The following MPP7 variants were observed in gnomAD, a reference collection of about 807,000 sequenced individuals.
MPP7 encodes MAGUK p55 subfamily member 7.
A neutral mutation model predicts 76.5 loss-of-function variants in MPP7; 60 were observed. The ratio of observed to expected loss-of-function variants is 0.78; its 90% CI spans 0.64 to 0.97. The LOEUF (loss-of-function observed/expected upper bound fraction) is 0.97, where lower values mean the gene tolerates loss of function less well. Among genes scored for constraint, MPP7 ranks in the 50% least tolerant of loss-of-function variants. The pLI, the probability that MPP7 is intolerant of heterozygous loss-of-function variation, is 0.00. For synonymous variants in MPP7, 237 were observed against 244.5 expected (o/e 0.97, Z 0.29); for missense variants, 641 against 694.0 (o/e 0.92, Z 0.86).
chr10:28,107,126 C>T (rs747138980), intron 11 of MPP7, among the ~76,000 whole-genome samples: 2 of 152,168 alleles, frequency 1.3e-5, no homozygotes, highest in Non-Finnish European at 2.9e-5. Context: ...CAGTACCAAA[C>T]TAAATTTCCA....
At chr10:28,092,740 AT>A (rs536385197) in intron 11 of MPP7, among the ~76,000 whole-genome samples, 2,186 of 105,484 alleles carry the variant, frequency 0.021, 67 homozygotes, top group African/African-American at 0.074. Context: ...ACCTGGCTCA[AT>A]TTTTTTTTTT....
intron 3 of MPP7, among the ~76,000 whole-genome samples, chr10:28,183,166 G>A (rs1432297233): frequency 1.3e-5 from 2 of 152,276 alleles, no homozygotes; most frequent in South Asian, 2.1e-4. Context: ...TAAAACAGAC[G>A]AAATAATATC....
chr10:28,117,864 T>C (rs1328129273), intron 11 of MPP7, among the ~76,000 whole-genome samples: 1 of 151,848 alleles, frequency 6.6e-6, no homozygotes, highest in Non-Finnish European at 1.5e-5. Flanking sequence ...TATTTGAAAA[T>C]AAATAACATA....
At chr10:28,226,301 C>T (rs1840879) in intron 2 of MPP7, among the ~76,000 whole-genome samples, 26,297 of 151,512 alleles carry the variant, frequency 0.17, 2,570 homozygotes, top group African/African-American at 0.26. Flanking sequence ...GGCTGGAGTG[C>T]AGTGGTATAA....
intron 11 of MPP7, among the ~76,000 whole-genome samples, chr10:28,111,850 A>C (rs1228232081): frequency 6.6e-6 from 1 of 152,216 alleles, no homozygotes; most frequent in African/African-American, 2.4e-5. Context: ...AATATTACAG[A>C]GGCAAATCTA....
At chr10:28,115,684 G>A (rs556124820) in intron 11 of MPP7, among the ~76,000 whole-genome samples, 1 of 152,160 alleles carries the variant, frequency 6.6e-6, no homozygotes, top group Non-Finnish European at 1.5e-5. Flanking sequence ...TACCGGTACC[G>A]TGTGCAGTGA....
chr10:28,093,564 A>G (rs542169178), intron 11 of MPP7, among the ~76,000 whole-genome samples: 1 of 151,024 alleles, frequency 6.6e-6, no homozygotes, highest in Non-Finnish European at 1.5e-5. Flanking sequence ...CTCATGCCTC[A>G]GCCTCCTGAG....
intron 1 of MPP7, among the ~76,000 whole-genome samples, chr10:28,262,202 T>TAC (rs1385973358): frequency 0.018 from 264 of 14,908 alleles, 12 homozygotes; most frequent in East Asian, 0.026. Context: ...TATATATATA[T>TAC]ATATACATAT....
At chr10:28,265,237 GA>G (rs1292542014) in intron 1 of MPP7, among the ~76,000 whole-genome samples, 1 of 152,178 alleles carries the variant, frequency 6.6e-6, no homozygotes, top group African/African-American at 2.4e-5. Context: ...ATGTTTAAAA[GA>G]ACAGAATTAT....
At chr10:28,237,529 T>C (rs1039536878) in intron 2 of MPP7, among the ~76,000 whole-genome samples, 3 of 152,214 alleles carry the variant, frequency 2.0e-5, no homozygotes, top group South Asian at 2.1e-4. Flanking sequence ...ACTATGGATA[T>C]GCTTGAAATA....
chr10:28,186,144 G>A (rs574452480), intron 3 of MPP7, among the ~76,000 whole-genome samples: 15 of 152,186 alleles, frequency 9.9e-5, no homozygotes, highest in East Asian at 7.8e-4. Flanking sequence ...CCAAAAGTTC[G>A]AGACCAGCCT....
chr10:28,164,036 T>C (rs1836358920), intron 3 of MPP7, among the ~76,000 whole-genome samples: 1 of 152,064 alleles, frequency 6.6e-6, no homozygotes, highest in Admixed American at 6.5e-5. Flanking sequence ...ACACTGAGCA[T>C]AAAGGCTTGT....
intron 12 of MPP7, among the ~76,000 whole-genome samples, chr10:28,079,085 C>T (rs538494055): frequency 6.6e-6 from 1 of 152,198 alleles, no homozygotes; most frequent in Admixed American, 6.5e-5. Context: ...ACATTATTGC[C>T]TCATTTCATG....
At chr10:28,139,908 A>G (rs959012559) in intron 5 of MPP7, among the ~76,000 whole-genome samples, 9 of 152,220 alleles carry the variant, frequency 5.9e-5, no homozygotes, top group African/African-American at 2.2e-4. Flanking sequence ...CAAACATTTT[A>G]AACAAATTTT....
intron 8 of MPP7, among the ~76,000 whole-genome samples, chr10:28,121,227 C>T (rs959407369): frequency 6.6e-6 from 1 of 150,406 alleles, no homozygotes; most frequent in African/African-American, 2.4e-5. Context: ...GAGCTGTGAT[C>T]GCACCACTGC....
At chr10:28,123,897 C>G in intron 8 of MPP7, 134 bp downstream of exon 8, 1 of 625,812 alleles carries the variant, frequency 1.6e-6, no homozygotes, top group South Asian at 1.9e-5. Context: ...TTTCCAAGAA[C>G]ACACAGGGAT....
At chr10:28,174,569 C>T (rs1356665733) in intron 3 of MPP7, among the ~76,000 whole-genome samples, 1 of 152,146 alleles carries the variant, frequency 6.6e-6, no homozygotes, top group Non-Finnish European at 1.5e-5. Flanking sequence ...GAACTGTGAG[C>T]CAAACAAATT....
intron 1 of MPP7, among the ~76,000 whole-genome samples, chr10:28,296,252 G>A (rs1179804128): frequency 6.6e-6 from 1 of 152,050 alleles, no homozygotes; most frequent in Non-Finnish European, 1.5e-5. Context: ...AGGGCTGAAG[G>A]CACTGCCAAG....
At chr10:28,327,231 TAAAAAAAAAAAAA>T (rs59442840) in intron 2 of MPP7, among the ~76,000 whole-genome samples, 1 of 95,752 alleles carries the variant, frequency 1.0e-5, no homozygotes. Flanking sequence ...GTCAAAGAAG[TAAAAAAAAAAAAA>T]AAAAAAAAAA....
Sources: gnomAD v4.1 joint callset for allele counts (sites outside exome capture counted in the v4.1 genomes callset) on GRCh38, gnomAD v4.1.1 for gene constraint, MANE v1.5 for transcripts, NCBI Gene and HGNC (gene_info 2026-07-23, HGNC 2026-07-21) for gene names.